The following EMCN variants were observed in gnomAD, a reference collection of about 807,000 sequenced individuals.
The protein encoded by EMCN is endomucin, also known as MUC-14.
A neutral mutation model predicts 38.4 loss-of-function variants in EMCN; 37 were observed. That is an observed-to-expected ratio of 0.96 (90% confidence interval 0.74 to 1.27). EMCN has a LOEUF of 1.27. Among genes scored for constraint, EMCN ranks in the 50% most tolerant of loss-of-function variants. The pLI is 0.00. For synonymous variants in EMCN, 95 were observed against 100.8 expected (o/e 0.94, Z 0.35); for missense variants, 318 against 302.8 (o/e 1.05, Z -0.37).
At chr4:100,444,171 C>A (rs1311107150) in intron 5 of EMCN, among the ~76,000 whole-genome samples, 1 of 152,156 alleles carries the variant, frequency 6.6e-6, no homozygotes, top group Admixed American at 6.5e-5. Flanking sequence ...GGTGGGCAGG[C>A]ATGTGGCTGT....
intron 1 of EMCN, among the ~76,000 whole-genome samples, chr4:100,489,876 C>A (rs1432573691): frequency 6.6e-6 from 1 of 152,086 alleles, no homozygotes; most frequent in South Asian, 2.1e-4. Context: ...CTAGAACCAA[C>A]CTCGTTGGAT....
rs78022485 is a variant in EMCN at position 100,480,074 on chromosome 4, A to G, written c.65-35T>C. Reference sequence around the variant, plus strand: ...GTAAAGTAGTTGCATTAACATTTACATATAGTTTGCCAATTAATAGACTAG... The same window carrying G: ...GTAAAGTAGTTGCATTAACATTTACGTATAGTTTGCCAATTAATAGACTAG... On this transcript the variant is annotated intron_variant, in intron 1 of 11. Transcript: ENST00000296420. 3.0e-3 allele frequency: 4,750 copies of G among 1,586,232 alleles called. 20 individuals are homozygous for G. Among genetic ancestry groups the G allele is most frequent in the South Asian group, 5.3e-3 (461 of 87,072 alleles).
At chr4:100,517,742 A>G in intron 1 of EMCN, 109 bp downstream of exon 1, 1 of 970,470 alleles carries the variant, frequency 1.0e-6, no homozygotes, top group Non-Finnish European at 1.7e-6. Context: ...TCATCAAAGG[A>G]ATTGCTGCAT....
chr4:100,437,460 T>TGA (rs1553928205), intron 5 of EMCN, among the ~76,000 whole-genome samples: 2 of 150,294 alleles, frequency 1.3e-5, no homozygotes, highest in Non-Finnish European at 3.0e-5. Context: ...TGGTCTGATA[T>TGA]AAAAAAAAAA....
intron 4 of EMCN, among the ~76,000 whole-genome samples, chr4:100,449,256 C>G (rs762808440): frequency 1.3e-5 from 2 of 151,998 alleles, no homozygotes; most frequent in Non-Finnish European, 2.9e-5. Flanking sequence ...TTGTAAGCAA[C>G]TTTTATGATC....
At chr4:100,406,574 C>T (rs1726397397) in intron 11 of EMCN, among the ~76,000 whole-genome samples, 1 of 152,052 alleles carries the variant, frequency 6.6e-6, no homozygotes, top group Admixed American at 6.6e-5. Flanking sequence ...GATTTCTACT[C>T]TTATTGTGCT....
At position 100,395,731 on chromosome 4, in the gene EMCN, GAAAT is replaced by G. The variant is rs1253396782; in HGVS notation, c.*2678_*2681del. On this transcript the variant is annotated 3_prime_UTR_variant, in exon 12 of 12. Coordinates refer to ENST00000296420, the MANE Select transcript of EMCN (RefSeq NM_016242.4). ...AAATTTAAATATGGTAGGTAGAAAA[GAAAT>G]AACACACAGATTTGTCAACCATATG... 1 of 152,130 alleles carries G rather than the reference GAAAT, an allele frequency of 6.6e-6. No individual in the cohort carries two copies. Among genetic ancestry groups the G allele is most frequent in the Non-Finnish European group, 1.5e-5 (1 of 68,004 alleles). 9.4% of individuals were successfully genotyped at this position (152,130 alleles called of 1,614,324 possible). A position where few individuals can be genotyped will look rare whatever the true frequency, so the allele number is the denominator to read the frequency against.
At chr4:100,407,453 G>A (rs1357731650) in intron 11 of EMCN, among the ~76,000 whole-genome samples, 1 of 152,078 alleles carries the variant, frequency 6.6e-6, no homozygotes, top group Non-Finnish European at 1.5e-5. Flanking sequence ...TGTCTGAAAA[G>A]GATTTTATTT....
chr4:100,409,595 C>G (rs528815708), intron 11 of EMCN, among the ~76,000 whole-genome samples: 2 of 152,304 alleles, frequency 1.3e-5, no homozygotes, highest in East Asian at 3.9e-4. Flanking sequence ...CTGGAGGGCT[C>G]TGTTGCTTGG....
At chr4:100,487,610 G>A (rs1042725678) in intron 1 of EMCN, among the ~76,000 whole-genome samples, 3 of 152,164 alleles carry the variant, frequency 2.0e-5, no homozygotes, top group African/African-American at 7.2e-5. Context: ...GCTGAATCAT[G>A]GGGACAGTTT....
chr4:100,497,904 C>A (rs553473919), intron 1 of EMCN, among the ~76,000 whole-genome samples: 6 of 152,110 alleles, frequency 3.9e-5, no homozygotes, highest in African/African-American at 1.4e-4. Flanking sequence ...ACCAAAGGAA[C>A]CCTAAGTAGG....
chr4:100,418,152 C>A (rs756610224), intron 8 of EMCN, among the ~76,000 whole-genome samples: 13 of 152,142 alleles, frequency 8.5e-5, no homozygotes, highest in Non-Finnish European at 1.3e-4. Context: ...GACTTAACCT[C>A]ATCTTTGCTC....
chr4:100,481,878 T>TTCCCTTCC (rs1324696738), intron 1 of EMCN, among the ~76,000 whole-genome samples: 1 of 151,654 alleles, frequency 6.6e-6, no homozygotes, highest in Non-Finnish European at 1.5e-5. Context: ...TCCTTCCTTC[T>TTCCCTTCC]TCCCTTCCTC....
intron 1 of EMCN, among the ~76,000 whole-genome samples, chr4:100,500,343 G>A (rs976873622): frequency 1.3e-5 from 2 of 151,984 alleles, no homozygotes; most frequent in African/African-American, 4.8e-5. Context: ...TCTGCCTAAT[G>A]TTTGTGACAA....
chr4:100,413,763 A>G (rs1266509254), intron 10 of EMCN, among the ~76,000 whole-genome samples: 2 of 152,210 alleles, frequency 1.3e-5, no homozygotes, highest in Non-Finnish European at 2.9e-5. Context: ...TACAATTTCT[A>G]AATTGAAGTT....
At chr4:100,494,644 A>G (rs774689254) in intron 1 of EMCN, among the ~76,000 whole-genome samples, 4 of 152,116 alleles carry the variant, frequency 2.6e-5, no homozygotes, top group Non-Finnish European at 5.9e-5. Flanking sequence ...AGAAATGATA[A>G]TTATCTAAGT....
chr4:100,428,902 T>C (rs896095788), intron 5 of EMCN, among the ~76,000 whole-genome samples: 2 of 152,076 alleles, frequency 1.3e-5, no homozygotes, highest in African/African-American at 2.4e-5. Context: ...CCAAAATTGA[T>C]AGATGTGAAA....
intron 5 of EMCN, among the ~76,000 whole-genome samples, chr4:100,436,719 G>A (rs1727363303): frequency 6.6e-6 from 1 of 152,126 alleles, no homozygotes; most frequent in African/African-American, 2.4e-5. Context: ...TCTGGACATG[G>A]ATGGAGCTGG....
chr4:100,401,209 A>G (rs926061455), intron 11 of EMCN, among the ~76,000 whole-genome samples: 3 of 152,168 alleles, frequency 2.0e-5, no homozygotes, highest in Non-Finnish European at 2.9e-5. Flanking sequence ...GGCCTTCCAT[A>G]TCTGTGGGTT....
Sources: gnomAD v4.1 joint callset for allele counts (sites outside exome capture counted in the v4.1 genomes callset) on GRCh38, gnomAD v4.1.1 for gene constraint, MANE v1.5 for transcripts, NCBI Gene and HGNC (gene_info 2026-07-23, HGNC 2026-07-21) for gene names.